The following FMNL2 variants were observed in gnomAD, a reference collection of about 807,000 sequenced individuals.
FMNL2 encodes formin-like protein 2.
Under a neutral mutation model 130.2 loss-of-function variants are expected in FMNL2, and 51 were observed. That is an observed-to-expected ratio of 0.39 (90% CI 0.31 to 0.49). The LOEUF (loss-of-function observed/expected upper bound fraction) is 0.49. Among genes scored for constraint, FMNL2 ranks in the 20% least tolerant of loss-of-function variants. The pLI is 0.85. For missense variants in FMNL2, 977 were observed against 1,316.2 expected (o/e 0.74, Z 3.99); for synonymous variants, 465 against 467.1 (o/e 1.00, Z 0.06).
rs150327867 is a variant in FMNL2, at chr2:152,616,611, C to T, written c.1213-480C>T. ...CCTCCCAAAGTGCTGGGATTACAGG[C>T]GTGGCAACCAACTTTTATTACTTGC... On this transcript the variant is annotated intron_variant, in intron 12 of 25. Coordinates refer to ENST00000288670, the MANE Select transcript of FMNL2 (RefSeq NM_052905.4). Among the ~76,000 whole-genome samples, 35 of 152,236 alleles carry T rather than the reference C, an allele frequency of 2.3e-4. No individual in the cohort carries two copies. In the East Asian group the frequency reaches 5.6e-3, roughly 24 times the overall value.
chr2:152,336,667 G>A (rs377527353), intron 1 of FMNL2, among the ~76,000 whole-genome samples: 4 of 152,272 alleles, frequency 2.6e-5, no homozygotes, highest in African/African-American at 7.2e-5. Flanking sequence ...CCAGGATCTG[G>A]ACTGCTGTTG....
chr2:152,480,686 A>C (rs1169865470), intron 1 of FMNL2, among the ~76,000 whole-genome samples: 1 of 151,760 alleles, frequency 6.6e-6, no homozygotes, highest in Non-Finnish European at 1.5e-5. Flanking sequence ...CAAAACAAAC[A>C]AACAAAACAA....
At chr2:152,454,672 G>A (rs1482171627) in intron 1 of FMNL2, among the ~76,000 whole-genome samples, 1 of 152,182 alleles carries the variant, frequency 6.6e-6, no homozygotes, top group African/African-American at 2.4e-5. Flanking sequence ...AGGAATGTGG[G>A]CAGAAAGGGA....
At chr2:152,364,261 GTTTTTTTTTTTTTTTTT>G (rs869062341) in intron 1 of FMNL2, among the ~76,000 whole-genome samples, 1 of 24,460 alleles carries the variant, frequency 4.1e-5, no homozygotes, top group African/African-American at 1.3e-4. Flanking sequence ...AGGTTTGTGT[GTTTTTTTTTTTTTTTTT>G]TTTTTTTTTT....
chr2:152,606,529 C>T (rs1175405782), intron 9 of FMNL2, among the ~76,000 whole-genome samples: 1 of 151,140 alleles, frequency 6.6e-6, no homozygotes. Flanking sequence ...CTGTAGTGAG[C>T]TATCATTGTG....
intron 25 of FMNL2, 78 bp downstream of exon 25, chr2:152,640,992 G>C: frequency 1.3e-6 from 2 of 1,584,790 alleles, no homozygotes; most frequent in South Asian, 2.3e-5. Context: ...AGATTTTGCA[G>C]CTTCTTTTGT....
At chr2:152,589,942 T>TAC (rs1348976625) in intron 9 of FMNL2, among the ~76,000 whole-genome samples, 34 of 9,544 alleles carry the variant, frequency 3.6e-3, no homozygotes, top group Admixed American at 5.8e-3. Context: ...GCTTTATACA[T>TAC]ATATATATAT....
At chr2:152,555,816 G>A (rs936036267) in intron 4 of FMNL2, among the ~76,000 whole-genome samples, 1 of 152,244 alleles carries the variant, frequency 6.6e-6, no homozygotes, top group Non-Finnish European at 1.5e-5. Context: ...CACCCAATTT[G>A]AAACTGTTTG....
At position 152,494,089 on chromosome 2, in the gene FMNL2, C is replaced by T. The variant is rs144979859; in HGVS notation, c.118-27854C>T. 2.4e-4 allele frequency among the ~76,000 whole-genome samples: 37 copies of T among 152,292 alleles called. No individual in the cohort carries two copies. In the East Asian group the frequency reaches 6.2e-3, roughly 25 times the overall value. ...CTGGTGAATCCCTTTAACCATCCAC[C>T]CCAGGAATGTCTGCAGTGCTGGTTA... is the stretch of plus-strand genomic sequence containing the variant. On this transcript the variant is annotated intron_variant, in intron 1 of 25. Transcript: ENST00000288670.
chr2:152,489,737 C>A (rs1169443283), intron 1 of FMNL2, among the ~76,000 whole-genome samples: 2 of 152,166 alleles, frequency 1.3e-5, no homozygotes, highest in Non-Finnish European at 2.9e-5. Flanking sequence ...ATTGATGTTA[C>A]TTCATTGATT....
rs146940435 is a variant in FMNL2, at chr2:152,422,466, A to G, written c.117+86746A>G. ...TTTTTGTTAATGGCTTTATTGAGGTATACTTTAAATGCCATAAAATTCACT... is the reference window on the plus strand; with the variant it reads ...TTTTTGTTAATGGCTTTATTGAGGTGTACTTTAAATGCCATAAAATTCACT... On this transcript the variant is annotated intron_variant, in intron 1 of 25. Transcript: ENST00000288670. Among the ~76,000 whole-genome samples, 239 of 152,310 alleles carry G rather than the reference A, an allele frequency of 1.6e-3. 1 individual carries two copies. The highest frequency in any genetic ancestry group is 5.5e-3 in the African/African-American group (229 of 41,580).
chr2:152,418,470 C>T (rs1686735816), intron 1 of FMNL2, among the ~76,000 whole-genome samples: 1 of 152,140 alleles, frequency 6.6e-6, no homozygotes, highest in African/African-American at 2.4e-5. Context: ...TCCCCCCACC[C>T]CTTCCCCTGG....
At chr2:152,372,419 A>G (rs1164286915) in intron 1 of FMNL2, among the ~76,000 whole-genome samples, 2 of 152,226 alleles carry the variant, frequency 1.3e-5, no homozygotes, top group South Asian at 2.1e-4. Flanking sequence ...CCATAGGTGC[A>G]TTCTTTATAT....
chr2:152,603,586 C>T (rs988293799), intron 9 of FMNL2, among the ~76,000 whole-genome samples: 1 of 150,664 alleles, frequency 6.6e-6, no homozygotes, highest in African/African-American at 2.4e-5. Context: ...CCTTATCCAC[C>T]ATGAAATCTA....
intron 6 of FMNL2, among the ~76,000 whole-genome samples, chr2:152,572,226 T>C (rs1696209850): frequency 1.3e-5 from 2 of 151,868 alleles, no homozygotes; most frequent in African/African-American, 4.8e-5. Context: ...TGAGGAAGAG[T>C]GTGATGATCC....
Position 152,335,559 on chromosome 2 carries a change from A to G in FMNL2, c.-45A>G, listed in dbSNP as rs1276125871. 1.1e-5 allele frequency: 17 copies of G among 1,513,634 alleles called. No individual in the cohort carries two copies. The highest frequency in any genetic ancestry group is 3.8e-5 in the Admixed American group (2 of 52,612). The allele number at this position is 1,513,634 out of a possible 1,614,324, so 93.8% of individuals were successfully genotyped here. A position where few individuals can be genotyped will look rare whatever the true frequency, so the allele number is the denominator to read the frequency against. On this transcript the variant is annotated 5_prime_UTR_variant, in exon 1 of 26. Transcript: ENST00000288670. ...GGAGCTGTTCTGATTTCCGACGCGC[A>G]CGCTAGGGGCCCGGAGCAGCCCCCG...
chr2:152,420,221 T>C (rs1686835525), intron 1 of FMNL2, among the ~76,000 whole-genome samples: 1 of 152,222 alleles, frequency 6.6e-6, no homozygotes, highest in African/African-American at 2.4e-5. Flanking sequence ...AATGAATGCC[T>C]TGTGAAAAGA....
At chr2:152,463,335 C>T (rs576143299) in intron 1 of FMNL2, among the ~76,000 whole-genome samples, 2 of 152,080 alleles carry the variant, frequency 1.3e-5, no homozygotes, top group East Asian at 3.9e-4. Flanking sequence ...GGAGATAGGG[C>T]CTATTACCCT....
chr2:152,464,457 C>T (rs1689417602), intron 1 of FMNL2, among the ~76,000 whole-genome samples: 1 of 152,208 alleles, frequency 6.6e-6, no homozygotes. Context: ...CTCTCTAGCT[C>T]CTCAGGAATG....
Sources: allele counts gnomAD v4.1 joint callset (sites outside exome capture counted in the v4.1 genomes callset), GRCh38; gene constraint gnomAD v4.1.1; transcripts MANE v1.5; gene names NCBI Gene and HGNC (gene_info 2026-07-23, HGNC 2026-07-21).